MARCHF11: variants seen among roughly 807,000 people sequenced by gnomAD.
The protein encoded by MARCHF11 is E3 ubiquitin-protein ligase MARCHF11.
MARCHF11 carries 29 observed loss-of-function variants against 37.3 expected under a neutral mutation model. The ratio of observed to expected loss-of-function variants is 0.78; its 90% CI spans 0.58 to 1.06. The LOEUF (loss-of-function observed/expected upper bound fraction) is 1.06. Ranked by LOEUF, MARCHF11 falls within the 50% of genes least tolerant of loss-of-function variation. MARCHF11 has a pLI of 0.00. For synonymous variants in MARCHF11, 233 were observed against 228.0 expected, an observed-to-expected ratio of 1.02 and a Z score of -0.20; for missense variants, 482 against 533.4, an observed-to-expected ratio of 0.90 and a Z score of 0.95.
In MARCHF11 at chr5:16,125,257, G is replaced by A. The variant is rs150892971; in HGVS notation, c.694-34176C>T. Among the ~76,000 whole-genome samples the A allele has an allele frequency of 4.0e-3, 611 of 151,304 alleles. 6 individuals are homozygous for A. Among genetic ancestry groups the A allele is most frequent in the African/African-American group, 0.014 (564 of 41,450 alleles). ...GCTTATTGATGGCCATCTGATGTTT[G>A]AACTGAATACTGGGCCCAAAGCCAA... is the stretch of plus-strand genomic sequence containing the variant. On this transcript the variant is annotated intron_variant, in intron 2 of 3. Transcript: ENST00000332432.
In MARCHF11 at chr5:16,068,164, AG is replaced by A. The variant is rs1205340048; in HGVS notation, c.887-372del. Among the ~76,000 whole-genome samples, 3 of 152,312 alleles carry A rather than the reference AG, an allele frequency of 2.0e-5. No individual in the cohort carries two copies. In the East Asian group the frequency reaches 5.8e-4, roughly 29 times the overall value. ...TCATTGTGTGGCCAAGCAATGTGTTAGGGGCTTGAACCCAGCTGGCAGTTTA... is the reference window on the plus strand; with the variant it reads ...TCATTGTGTGGCCAAGCAATGTGTTAGGGCTTGAACCCAGCTGGCAGTTTA... On this transcript the variant is annotated intron_variant, in intron 3 of 3. Coordinates refer to ENST00000332432, the MANE Select transcript of MARCHF11 (RefSeq NM_001102562.3).
chr5:16,140,763 A>T (rs1271634559), intron 2 of MARCHF11, among the ~76,000 whole-genome samples: 1 of 152,204 alleles, frequency 6.6e-6, no homozygotes, highest in Admixed American at 6.5e-5. Flanking sequence ...ATATGTCCAT[A>T]TAATTATTCA....
At chr5:16,113,120 A>C (rs1737174561) in intron 2 of MARCHF11, among the ~76,000 whole-genome samples, 1 of 152,202 alleles carries the variant, frequency 6.6e-6, no homozygotes, top group Non-Finnish European at 1.5e-5. Context: ...AGTAAACTGA[A>C]GACCAAGAAA....
intron 2 of MARCHF11, among the ~76,000 whole-genome samples, chr5:16,142,757 T>C (rs1303755535): frequency 6.8e-6 from 1 of 147,704 alleles, no homozygotes; most frequent in Non-Finnish European, 1.5e-5. Flanking sequence ...AATGGCGTGA[T>C]CTCGGCTCAC....
intron 2 of MARCHF11, among the ~76,000 whole-genome samples, chr5:16,139,179 C>T (rs931428611): frequency 1.3e-5 from 2 of 152,132 alleles, no homozygotes; most frequent in Admixed American, 1.3e-4. Context: ...ATAATACCCC[C>T]ATGTTGTGGG....
intron 2 of MARCHF11, among the ~76,000 whole-genome samples, chr5:16,133,103 A>G (rs149401189): frequency 5.9e-5 from 9 of 152,234 alleles, no homozygotes; most frequent in African/African-American, 2.2e-4. Flanking sequence ...ACTGTGGAAG[A>G]TTGAAAAAAA....
intron 2 of MARCHF11, among the ~76,000 whole-genome samples, chr5:16,145,987 G>T (rs149231646): frequency 1.3e-5 from 2 of 152,044 alleles, no homozygotes; most frequent in South Asian, 2.1e-4. Flanking sequence ...TGTAAACACC[G>T]CCCCCAACAC....
At chr5:16,114,122 T>A (rs1019392812) in intron 2 of MARCHF11, among the ~76,000 whole-genome samples, 2 of 152,120 alleles carry the variant, frequency 1.3e-5, no homozygotes, top group African/African-American at 4.8e-5. Flanking sequence ...AATGACAAGA[T>A]TTCATTTTTT....
intron 2 of MARCHF11, among the ~76,000 whole-genome samples, chr5:16,140,817 G>A (rs569786510): frequency 1.3e-5 from 2 of 152,210 alleles, no homozygotes; most frequent in East Asian, 3.9e-4. Context: ...CATTAATGCT[G>A]GGACGGAATT....
chr5:16,140,271 T>C (rs1737680255), intron 2 of MARCHF11, among the ~76,000 whole-genome samples: 1 of 151,788 alleles, frequency 6.6e-6, no homozygotes, highest in African/African-American at 2.4e-5. Flanking sequence ...GGCCAATAAA[T>C]GAGATAAACC....
chr5:16,117,714 C>T (rs1196871495), intron 2 of MARCHF11, among the ~76,000 whole-genome samples: 6 of 152,154 alleles, frequency 3.9e-5, no homozygotes, highest in Non-Finnish European at 8.8e-5. Flanking sequence ...CATAGCAAGA[C>T]CCAATCTCAA....
intron 2 of MARCHF11, among the ~76,000 whole-genome samples, chr5:16,107,654 T>C (rs1737065944): frequency 6.6e-6 from 1 of 152,054 alleles, no homozygotes. Flanking sequence ...CAGGCATTCT[T>C]GTTTTTGTGC....
At chr5:16,144,454 A>G (rs954885320) in intron 2 of MARCHF11, among the ~76,000 whole-genome samples, 1 of 152,154 alleles carries the variant, frequency 6.6e-6, no homozygotes, top group East Asian at 1.9e-4. Flanking sequence ...ACTATGCAGA[A>G]CTTCTATTCT....
intron 2 of MARCHF11, among the ~76,000 whole-genome samples, chr5:16,160,100 CT>C (rs1458309573): frequency 2.0e-5 from 3 of 151,438 alleles, no homozygotes; most frequent in Admixed American, 2.0e-4. Flanking sequence ...TGGCCAGTGG[CT>C]GCTTTCAGAT....
intron 2 of MARCHF11, among the ~76,000 whole-genome samples, chr5:16,151,649 A>ATATG (rs1491435333): frequency 4.6e-5 from 6 of 131,410 alleles, no homozygotes; most frequent in East Asian, 2.3e-4. Context: ...CGTGAGTTGA[A>ATATG]TGTGTGTGTG....
intron 3 of MARCHF11, among the ~76,000 whole-genome samples, chr5:16,080,702 C>T (rs1207059511): frequency 6.6e-6 from 1 of 152,194 alleles, no homozygotes; most frequent in Non-Finnish European, 1.5e-5. Context: ...CTCCATCCAG[C>T]TGATCACCAT....
intron 2 of MARCHF11, among the ~76,000 whole-genome samples, chr5:16,131,166 A>C (rs933329894): frequency 2.0e-5 from 3 of 152,226 alleles, no homozygotes; most frequent in Non-Finnish European, 2.9e-5. Flanking sequence ...AACAAGTTCA[A>C]AATTCTGGTT....
At chr5:16,082,365 A>G (rs939327895) in intron 3 of MARCHF11, among the ~76,000 whole-genome samples, 4 of 152,174 alleles carry the variant, frequency 2.6e-5, no homozygotes, top group Admixed American at 6.5e-5. Context: ...AATTCTACTC[A>G]ATTTAAGAAA....
At chr5:16,169,142 T>C (rs1046059143) in intron 2 of MARCHF11, among the ~76,000 whole-genome samples, 6 of 152,078 alleles carry the variant, frequency 3.9e-5, no homozygotes, top group Non-Finnish European at 8.8e-5. Context: ...AATGATTCTA[T>C]AGCTCAGAGT....
Sources: gnomAD v4.1 joint callset for allele counts (sites outside exome capture counted in the v4.1 genomes callset) on GRCh38, gnomAD v4.1.1 for gene constraint, MANE v1.5 for transcripts, NCBI Gene and HGNC (gene_info 2026-07-23, HGNC 2026-07-21) for gene names.